RAPGEF4: variants seen among roughly 807,000 people sequenced by gnomAD.
The protein encoded by RAPGEF4 is RAP guanine-nucleotide-exchange factor (GEF) 4.
Under a neutral mutation model 147.9 loss-of-function variants are expected in RAPGEF4, and 66 were observed. The ratio of observed to expected loss-of-function variants is 0.45; its 90% CI spans 0.37 to 0.55. RAPGEF4 has a LOEUF of 0.55. RAPGEF4 is among the 20% of genes least tolerant of loss of function. RAPGEF4 has a pLI of 0.00. For synonymous variants in RAPGEF4, 419 were observed against 442.7 expected (o/e 0.95, Z 0.67); for missense variants, 1,071 against 1,257.3 (o/e 0.85, Z 2.24).
intron 6 of RAPGEF4, among the ~76,000 whole-genome samples, chr2:172,939,981 C>CA (rs1686988170): frequency 6.6e-6 from 1 of 152,114 alleles, no homozygotes; most frequent in African/African-American, 2.4e-5. Context: ...TTCCATTCAT[C>CA]TACATGTCTG....
chr2:172,972,616 A>T (rs1210730875), intron 10 of RAPGEF4, among the ~76,000 whole-genome samples: 1 of 152,162 alleles, frequency 6.6e-6, no homozygotes, highest in Non-Finnish European at 1.5e-5. Context: ...TGCATTAAGT[A>T]GGTCATTTCT....
chr2:173,029,840 T>A (rs150164819), intron 25 of RAPGEF4, among the ~76,000 whole-genome samples: 1 of 152,292 alleles, frequency 6.6e-6, no homozygotes, highest in East Asian at 1.9e-4. Flanking sequence ...TCTTACCCCA[T>A]GAGATATTTC....
chr2:172,880,895 G>T (rs1279691797), intron 4 of RAPGEF4, among the ~76,000 whole-genome samples: 1 of 152,212 alleles, frequency 6.6e-6, no homozygotes, highest in Non-Finnish European at 1.5e-5. Flanking sequence ...CTTAGTGATT[G>T]TTGTCTAGAA....
At chr2:172,948,090 C>G (rs1438034989) in intron 6 of RAPGEF4, among the ~76,000 whole-genome samples, 1 of 152,138 alleles carries the variant, frequency 6.6e-6, no homozygotes, top group African/African-American at 2.4e-5. Context: ...TGAGATTTAT[C>G]CACATTGTTG....
intron 4 of RAPGEF4, among the ~76,000 whole-genome samples, chr2:172,899,260 G>C (rs1018582290): frequency 6.6e-6 from 1 of 152,046 alleles, no homozygotes; most frequent in Non-Finnish European, 1.5e-5. Context: ...ATAATTTATA[G>C]GAAAGCCCAG....
chr2:173,020,580 G>A, intron 22 of RAPGEF4, 38 bp from the exon 23 acceptor site: 1 of 1,516,414 alleles, frequency 6.6e-7, no homozygotes, highest in South Asian at 1.1e-5. Context: ...AATCTCAGAT[G>A]TATTTAATAG....
At chr2:172,775,057 T>C (rs1484697038) in intron 1 of RAPGEF4, among the ~76,000 whole-genome samples, 1 of 152,186 alleles carries the variant, frequency 6.6e-6, no homozygotes, top group Non-Finnish European at 1.5e-5. Flanking sequence ...ATAGGAGGGA[T>C]AGAAAAGATG....
chr2:172,829,672 A>T (rs1183473877), intron 4 of RAPGEF4, among the ~76,000 whole-genome samples: 1 of 152,146 alleles, frequency 6.6e-6, no homozygotes, highest in Non-Finnish European at 1.5e-5. Context: ...AAGTATCAAG[A>T]ATTCAGTGAT....
chr2:172,915,089 T>G (rs529784635), intron 4 of RAPGEF4, among the ~76,000 whole-genome samples: 1 of 152,362 alleles, frequency 6.6e-6, no homozygotes, highest in Admixed American at 6.5e-5. Context: ...CCAGGTTTAG[T>G]GAATGTTTAT....
intron 1 of RAPGEF4, among the ~76,000 whole-genome samples, chr2:172,763,074 A>G (rs1165747816): frequency 6.6e-6 from 1 of 152,244 alleles, no homozygotes; most frequent in Non-Finnish European, 1.5e-5. Context: ...TGGATGGCAC[A>G]GTAAATCTTT....
intron 1 of RAPGEF4, among the ~76,000 whole-genome samples, chr2:172,782,864 G>A (rs1386243524): frequency 1.3e-5 from 2 of 152,160 alleles, no homozygotes; most frequent in African/African-American, 4.8e-5. Flanking sequence ...TCCCCGTTTG[G>A]CTGGGGTCTG....
chr2:172,882,142 T>TACTA (rs1418764275), intron 4 of RAPGEF4, among the ~76,000 whole-genome samples: 2 of 152,256 alleles, frequency 1.3e-5, no homozygotes, highest in Non-Finnish European at 2.9e-5. Flanking sequence ...ATTATTTCTG[T>TACTA]ACTAACCATC....
intron 3 of RAPGEF4, among the ~76,000 whole-genome samples, chr2:172,812,678 T>A (rs1339269326): frequency 6.6e-6 from 1 of 152,220 alleles, no homozygotes; most frequent in Non-Finnish European, 1.5e-5. Flanking sequence ...ACCATATATA[T>A]GTAAAATATG....
intron 4 of RAPGEF4, chr2:172,889,762 T>G: frequency 3.3e-6 from 3 of 912,214 alleles, no homozygotes; most frequent in Non-Finnish European, 3.9e-6. Context: ...GCAAGGAAAA[T>G]TTTAAAAATA....
chr2:172,791,880 A>G (rs1685864245), intron 1 of RAPGEF4, among the ~76,000 whole-genome samples: 1 of 152,072 alleles, frequency 6.6e-6, no homozygotes, highest in Admixed American at 6.5e-5. Context: ...CCTAGTCTAC[A>G]CTCCTAATGT....
At chr2:172,887,580 G>C (rs1697385130) in intron 4 of RAPGEF4, among the ~76,000 whole-genome samples, 1 of 152,118 alleles carries the variant, frequency 6.6e-6, no homozygotes, top group African/African-American at 2.4e-5. Context: ...GTTTATGCTT[G>C]CTTTAGTGTT....
chr2:173,007,218 G>T (rs1464794525), intron 17 of RAPGEF4, among the ~76,000 whole-genome samples: 1 of 152,230 alleles, frequency 6.6e-6, no homozygotes, highest in Non-Finnish European at 1.5e-5. Flanking sequence ...GCTGTGCTAT[G>T]AGTACAAGCC....
In RAPGEF4 at chr2:172,735,911, C is replaced by A. The variant is rs1211618181; in HGVS notation, c.-73C>A. 2.8e-5 allele frequency: 36 copies of A among 1,284,476 alleles called. No individual in the cohort carries two copies. Among genetic ancestry groups the A allele is most frequent in the Non-Finnish European group, 3.5e-5 (35 of 993,134 alleles). The allele number at this position is 1,284,476 out of a possible 1,614,324, so 79.6% of individuals were successfully genotyped here. On this transcript the variant is annotated 5_prime_UTR_variant, in exon 1 of 31. Transcript: ENST00000397081. ...AGCGGGGTCCGCGCGGCGGACGAGG[C>A]GGGGGCGGAGGCGCAGGCAGAGCGA...
At chr2:173,007,607 T>C (rs1281451184) in intron 17 of RAPGEF4, among the ~76,000 whole-genome samples, 1 of 152,224 alleles carries the variant, frequency 6.6e-6, no homozygotes, top group African/African-American at 2.4e-5. Context: ...ATTTCATCCT[T>C]GACAGCAATC....
Sources: allele counts gnomAD v4.1 joint callset (sites outside exome capture counted in the v4.1 genomes callset), GRCh38; gene constraint gnomAD v4.1.1; transcripts MANE v1.5; gene names NCBI Gene and HGNC (gene_info 2026-07-23, HGNC 2026-07-21).